OSBPL2: variants seen among roughly 807,000 people sequenced by gnomAD.
The protein encoded by OSBPL2 is oxysterol binding protein like 2.
OSBPL2 carries 18 observed loss-of-function variants against 58.4 expected under a neutral mutation model. That is an observed-to-expected ratio of 0.31 (90% CI 0.21 to 0.46). The LOEUF is 0.46. OSBPL2 is among the 20% of genes least tolerant of loss of function. OSBPL2 has a pLI of 1.00. For synonymous variants in OSBPL2, 221 were observed against 234.1 expected, an observed-to-expected ratio of 0.94 and a Z score of 0.51; for missense variants, 461 against 616.5, an observed-to-expected ratio of 0.75 and a Z score of 2.67.
At chr20:62,279,658 T>C in intron 7 of OSBPL2, 1 of 422,578 alleles carries the variant, frequency 2.4e-6, no homozygotes, top group South Asian at 2.5e-5. Context: ...TCATTCATTG[T>C]ATTTCTTGTC....
intron 3 of OSBPL2, 139 bp downstream of exon 3, chr20:62,260,264 C>T (rs943726520): frequency 2.6e-6 from 2 of 769,146 alleles, no homozygotes; most frequent in Non-Finnish European, 4.2e-6. Context: ...ATCCGGACAG[C>T]CTCCTCTGTC....
intron 1 of OSBPL2, among the ~76,000 whole-genome samples, chr20:62,252,410 C>T (rs1029813983): frequency 6.6e-6 from 1 of 152,152 alleles, no homozygotes. Flanking sequence ...ACTGCACCCC[C>T]ACGTTCGCAG....
intron 2 of OSBPL2, 22 bp from the exon 3 acceptor site, chr20:62,259,959 A>G (rs1411911334): frequency 3.7e-6 from 6 of 1,604,448 alleles, no homozygotes; most frequent in Non-Finnish European, 5.1e-6. Flanking sequence ...AGCGAAAATG[A>G]CCATTTTCTT....
intron 4 of OSBPL2, among the ~76,000 whole-genome samples, chr20:62,271,261 C>CTCTCTA (rs11474627): frequency 1.3e-5 from 2 of 151,968 alleles, no homozygotes; most frequent in South Asian, 2.1e-4. Context: ...GCCATGCGCC[C>CTCTCTA]TGCCGTCCAG....
rs748798927 is a variant in OSBPL2, at chr20:62,272,242, C to T, written c.376C>T (p.Pro126Ser). 12 of 1,613,318 alleles carry T rather than the reference C, an allele frequency of 7.4e-6. No individual in the cohort carries two copies. Among genetic ancestry groups the T allele is most frequent in the Admixed American group, 3.3e-5 (2 of 59,970 alleles). ...CCACAGGGCCTCCTGCCAGCCCCAG[C>T]CCCTGGAGAGGATGCAGGTGGGCCT... is the stretch of plus-strand genomic sequence containing the variant. ...LIHRASCQPQ[P>S]LERMQSVAAF... is the part of the protein sequence containing the mutation. Residue 126 changes from proline to serine, a missense_variant, in exon 5 of 14, where the codon CCC becomes TCC. By Grantham distance (74) the Pro-to-Ser change is moderately conservative. This residue lies in a region of OSBPL2 where 20 missense variants were observed against 17.1 expected (regional missense o/e 1.17). Coordinates refer to ENST00000313733, the MANE Select transcript of OSBPL2 (RefSeq NM_144498.4).
intron 3 of OSBPL2, among the ~76,000 whole-genome samples, chr20:62,263,318 T>C (rs1370349588): frequency 6.6e-6 from 1 of 152,028 alleles, no homozygotes; most frequent in Non-Finnish European, 1.5e-5. Flanking sequence ...GCAGAGGGAC[T>C]CCCTCCAGCT....
chr20:62,293,934 G>A lies in OSBPL2; in HGVS notation c.*47G>A. On this transcript the variant is annotated 3_prime_UTR_variant, in exon 14 of 14. Coordinates refer to ENST00000313733, the MANE Select transcript of OSBPL2 (RefSeq NM_144498.4). ...CCGGGACCGGAGGCTGACGAGGCTGGACTTCCTCGAGTGGCCACTGTGAGC... is the reference window on the plus strand; with the variant it reads ...CCGGGACCGGAGGCTGACGAGGCTGAACTTCCTCGAGTGGCCACTGTGAGC... The A allele has an allele frequency of 1.9e-6, 3 of 1,598,108 alleles. No individual in the cohort carries two copies.
At chr20:62,275,636 CAG>C (rs1449414600) in intron 6 of OSBPL2, among the ~76,000 whole-genome samples, 2 of 152,096 alleles carry the variant, frequency 1.3e-5, no homozygotes, top group African/African-American at 4.8e-5. Flanking sequence ...TCAGTAGAGA[CAG>C]GGTTTTGCTG....
chr20:62,292,155 C>T (rs1983566173), intron 13 of OSBPL2, among the ~76,000 whole-genome samples: 1 of 152,210 alleles, frequency 6.6e-6, no homozygotes, highest in Non-Finnish European at 1.5e-5. Context: ...TGTGTTGGCC[C>T]AAAGCTTTCT....
At chr20:62,267,041 C>T (rs928911579) in intron 4 of OSBPL2, among the ~76,000 whole-genome samples, 6 of 152,300 alleles carry the variant, frequency 3.9e-5, no homozygotes, top group South Asian at 4.1e-4. Context: ...CTCGAGGCTA[C>T]GGGTTCAGAA....
intron 8 of OSBPL2, 77 bp from the exon 9 acceptor site, chr20:62,281,713 G>A (rs756695608): frequency 3.5e-5 from 38 of 1,094,556 alleles, no homozygotes; most frequent in Non-Finnish European, 4.5e-5. Context: ...CCTCCACCGC[G>A]CTTCTCCTGT....
intron 1 of OSBPL2, 132 bp downstream of exon 1, chr20:62,238,729 G>T (rs1051724077): frequency 6.6e-6 from 1 of 150,586 alleles, no homozygotes; most frequent in Non-Finnish European, 1.5e-5. Context: ...TCCGCAGGCC[G>T]CCTCCAGCCC....
intron 2 of OSBPL2, among the ~76,000 whole-genome samples, chr20:62,257,024 G>T (rs191690137): frequency 1.0e-4 from 16 of 152,388 alleles, no homozygotes; most frequent in African/African-American, 3.4e-4. Context: ...GTCCTTAGGC[G>T]TCGGGATCAG....
chr20:62,262,525 A>G (rs1981386601), intron 3 of OSBPL2, among the ~76,000 whole-genome samples: 1 of 152,206 alleles, frequency 6.6e-6, no homozygotes. Flanking sequence ...GTGTGCACGG[A>G]CGATGGCGGA....
Position 62,293,905 on chromosome 20 carries a change from G to C in OSBPL2, c.*18G>C, listed in dbSNP as rs768129346. 3 of 1,611,832 alleles carry C rather than the reference G, an allele frequency of 1.9e-6. No homozygotes were observed. Among genetic ancestry groups the C allele is most frequent in the Non-Finnish European group, 2.5e-6 (3 of 1,179,236 alleles). ...TCTACTGAGGGCCTGGAGGGGCCTG[G>C]GGCCCGGGACCGGAGGCTGACGAGG... On this transcript the variant is annotated 3_prime_UTR_variant, in exon 14 of 14. Coordinates refer to ENST00000313733, the MANE Select transcript of OSBPL2 (RefSeq NM_144498.4).
chr20:62,278,855 G>A lies in OSBPL2; in HGVS notation c.492-302G>A, dbSNP rs563451141. 1.6e-3 allele frequency: 566 copies of A among 350,666 alleles called. 3 individuals carry two copies. Among genetic ancestry groups the A allele is most frequent in the African/African-American group, 0.011 (481 of 45,534 alleles). The allele number at this position is 350,666 out of a possible 1,614,324, so 21.7% of individuals were successfully genotyped here. ...TGTCTGTTGCCGTTAGGCCGAGTGCGATGTCATGTTTGTGTGTGTGTTTGT... is the reference window on the plus strand; with the variant it reads ...TGTCTGTTGCCGTTAGGCCGAGTGCAATGTCATGTTTGTGTGTGTGTTTGT... On this transcript the variant is annotated intron_variant, in intron 6 of 13. Coordinates refer to ENST00000313733, the MANE Select transcript of OSBPL2 (RefSeq NM_144498.4).
intron 6 of OSBPL2, among the ~76,000 whole-genome samples, chr20:62,276,311 C>T (rs191994829): frequency 1.3e-5 from 2 of 152,328 alleles, no homozygotes; most frequent in Non-Finnish European, 2.9e-5. Flanking sequence ...TTTAAAAGTG[C>T]GTGCCCATGT....
In OSBPL2 at chr20:62,260,056, C is replaced by T. The variant is rs755658655; in HGVS notation, c.113C>T (p.Thr38Ile). The T allele has an allele frequency of 1.9e-6, 3 of 1,613,350 alleles. No homozygotes were observed. The highest frequency in any genetic ancestry group is 2.5e-6 in the Non-Finnish European group (3 of 1,179,464). The change falls in exon 3 of 14, where the codon ACC becomes ATC. Residue 38 changes from threonine to isoleucine, a missense_variant. Thr to Ile is a moderately conservative substitution (Grantham distance 89, BLOSUM62 -1). Around this residue, in one of 5 missense-constraint regions of OSBPL2, gnomAD observed 80 missense variants for 74.8 expected, o/e 1.07. Transcript: ENST00000313733. The part of the protein sequence containing the change: ...QKVTGMIDLD[T>I]SKNNRIGKTG... ...GTCACGGGAATGATTGACTTAGACA[C>T]CAGCAAAAATAATAGGATTGGGAAA...
At chr20:62,271,914 C>T (rs1982086818) in intron 4 of OSBPL2, among the ~76,000 whole-genome samples, 1 of 152,140 alleles carries the variant, frequency 6.6e-6, no homozygotes, top group Non-Finnish European at 1.5e-5. Context: ...TCTGCAGGCT[C>T]AGCACAGATT....
Sources: allele counts gnomAD v4.1 joint callset (sites outside exome capture counted in the v4.1 genomes callset), GRCh38; gene constraint gnomAD v4.1.1; regional missense constraint gnomAD v4.1.1; transcripts MANE v1.5; gene names NCBI Gene and HGNC (gene_info 2026-07-23, HGNC 2026-07-21).